The following LRBA variants were observed in gnomAD, a reference collection of about 807,000 sequenced individuals.
LRBA encodes LPS responsive beige-like anchor protein, also known as lipopolysaccharide-responsive and beige-like anchor protein.
A neutral mutation model predicts 330.0 loss-of-function variants in LRBA; 176 were observed. The observed-to-expected ratio is 0.53, with a 90% CI of 0.47 to 0.60. The LOEUF (loss-of-function observed/expected upper bound fraction) is 0.60, where lower values mean the gene tolerates loss of function less well. Among genes scored for constraint, LRBA ranks in the 20% least tolerant of loss-of-function variants. The pLI is 0.00. For missense variants in LRBA, 3,259 were observed against 3,444.8 expected, an observed-to-expected ratio of 0.95 and a Z score of 1.35; for synonymous variants, 1,230 against 1,193.0, an observed-to-expected ratio of 1.03 and a Z score of -0.64.
intron 34 of LRBA, among the ~76,000 whole-genome samples, chr4:150,793,518 T>A (rs1560825085): frequency 1.3e-5 from 2 of 152,198 alleles, no homozygotes; most frequent in African/African-American, 4.8e-5. Context: ...TGACTTATGA[T>A]CCATGTTACC....
At chr4:150,841,163 C>T (rs746183041) in intron 28 of LRBA, 16 of 204,030 alleles carry the variant, frequency 7.8e-5, no homozygotes, top group Non-Finnish European at 1.6e-4. Context: ...ATAACTGCTG[C>T]TAATGATATT....
intron 53 of LRBA, among the ~76,000 whole-genome samples, chr4:150,294,814 C>T (rs1160553807): frequency 1.3e-5 from 2 of 152,098 alleles, no homozygotes; most frequent in South Asian, 2.1e-4. Flanking sequence ...TATCTGGGCG[C>T]GCTGGCGCCC....
intron 30 of LRBA, 26 bp downstream of exon 30, chr4:150,828,154 C>A (rs560913704): frequency 1.9e-6 from 3 of 1,605,050 alleles, no homozygotes; most frequent in Admixed American, 3.4e-5. Context: ...TAGAAACATA[C>A]CAAAACGAAA....
chr4:150,672,939 A>C (rs190718116), intron 37 of LRBA, among the ~76,000 whole-genome samples: 121 of 152,316 alleles, frequency 7.9e-4, no homozygotes, highest in African/African-American at 2.8e-3. Context: ...GAAAGTAGTA[A>C]GGAGAAGGGA....
At chr4:150,878,397 A>T (rs1269437571) in intron 17 of LRBA, among the ~76,000 whole-genome samples, 1 of 152,118 alleles carries the variant, frequency 6.6e-6, no homozygotes. Context: ...AGCTAGAAAG[A>T]TCTAAAATTA....
intron 13 of LRBA, 147 bp from the exon 14 acceptor site, chr4:150,900,364 T>C (rs1182248794): frequency 7.9e-6 from 4 of 506,462 alleles, no homozygotes; most frequent in Non-Finnish European, 1.4e-5. Context: ...AGACAACACA[T>C]ACTCACTGAC....
chr4:150,376,542 T>A (rs2151878673), intron 47 of LRBA, among the ~76,000 whole-genome samples: 1 of 152,194 alleles, frequency 6.6e-6, no homozygotes, highest in East Asian at 1.9e-4. Flanking sequence ...AACCAGAAAA[T>A]ATGTACTAAA....
At chr4:150,902,086 A>T (rs1304741699) in intron 13 of LRBA, among the ~76,000 whole-genome samples, 1 of 152,220 alleles carries the variant, frequency 6.6e-6, no homozygotes, top group East Asian at 1.9e-4. Context: ...CAAAACATGA[A>T]AAAAGTCATG....
At chr4:150,871,655 C>A (rs1456437980) in intron 18 of LRBA, among the ~76,000 whole-genome samples, 1 of 151,604 alleles carries the variant, frequency 6.6e-6, no homozygotes, top group Non-Finnish European at 1.5e-5. Context: ...ATAAGCATAG[C>A]CGAAGTTAAA....
chr4:150,626,918 T>A (rs996505886), intron 37 of LRBA, among the ~76,000 whole-genome samples: 1 of 152,152 alleles, frequency 6.6e-6, no homozygotes, highest in Non-Finnish European at 1.5e-5. Flanking sequence ...ATTCTTTTTT[T>A]AAAACAGTAA....
intron 37 of LRBA, among the ~76,000 whole-genome samples, chr4:150,601,657 T>C (rs1208732733): frequency 1.3e-5 from 2 of 152,086 alleles, no homozygotes; most frequent in Non-Finnish European, 2.9e-5. Flanking sequence ...TATATATATA[T>C]GCAGACATAC....
chr4:150,546,871 T>C (rs1054536812), intron 40 of LRBA, among the ~76,000 whole-genome samples: 40 of 152,130 alleles, frequency 2.6e-4, no homozygotes, highest in African/African-American at 9.2e-4. Flanking sequence ...TAGAGGAAAA[T>C]TGAACAGATT....
intron 37 of LRBA, among the ~76,000 whole-genome samples, chr4:150,658,516 C>A: frequency 0.05 from 1 of 20 alleles, no homozygotes. Context: ...TCTCCCTCTC[C>A]CTCTCCCTCT....
intron 50 of LRBA, 38 bp from the exon 51 acceptor site, chr4:150,315,661 T>C (rs1731633710): frequency 7.8e-7 from 1 of 1,290,092 alleles, no homozygotes; most frequent in African/African-American, 1.5e-5. Flanking sequence ...AGGCATTATT[T>C]TTTATATACT....
intron 22 of LRBA, among the ~76,000 whole-genome samples, chr4:150,853,349 G>A (rs1330249570): frequency 1.3e-5 from 2 of 152,098 alleles, no homozygotes; most frequent in African/African-American, 2.4e-5. Flanking sequence ...GGACTTGTCC[G>A]CAGGAGAGAT....
chr4:150,761,706 C>G, intron 35 of LRBA, 77 bp downstream of exon 35: 1 of 870,788 alleles, frequency 1.1e-6, no homozygotes, highest in East Asian at 2.8e-5. Context: ...ATACAGAACC[C>G]AAAAATATCA....
chr4:150,495,041 T>C (rs943994999), intron 40 of LRBA, among the ~76,000 whole-genome samples: 2 of 151,730 alleles, frequency 1.3e-5, no homozygotes, highest in Non-Finnish European at 2.9e-5. Context: ...ATGTACCTAC[T>C]ACTCAGTAAC....
chr4:150,806,410 G>A lies in LRBA; in HGVS notation c.5385-6C>T. On this transcript the variant is annotated splice_polypyrimidine_tract_variant and splice_region_variant and intron_variant, in intron 32 of 56. Coordinates refer to ENST00000651943, the MANE Select transcript of LRBA (RefSeq NM_001364905.1). ...GTTCAAGCCTCTCTGTAATACTAAG[G>A]AAAAGACATTAAGTTACTTGAACTA... The A allele has an allele frequency of 6.3e-7, 1 of 1,575,796 alleles. No homozygotes were observed. The highest frequency in any genetic ancestry group is 1.9e-5 in the Admixed American group (1 of 52,902).
chr4:150,597,692 A>G (rs1773661691), intron 38 of LRBA, among the ~76,000 whole-genome samples: 1 of 151,952 alleles, frequency 6.6e-6, no homozygotes, highest in Non-Finnish European at 1.5e-5. Context: ...ATCATTAACC[A>G]AAACAAACCA....
Sources: gnomAD v4.1 joint callset for allele counts (sites outside exome capture counted in the v4.1 genomes callset) on GRCh38, gnomAD v4.1.1 for gene constraint, MANE v1.5 for transcripts, NCBI Gene and HGNC (gene_info 2026-07-23, HGNC 2026-07-21) for gene names.